The following POLN variants were observed in gnomAD, a reference collection of about 807,000 sequenced individuals.
POLN encodes DNA polymerase nu.
POLN carries 108 observed loss-of-function variants against 113.5 expected under a neutral mutation model. The observed-to-expected ratio is 0.95, with a 90% CI of 0.81 to 1.12. The LOEUF (loss-of-function observed/expected upper bound fraction) is 1.12, where lower values mean the gene tolerates loss of function less well. Among genes scored for constraint, POLN ranks in the 50% most tolerant of loss-of-function variants. The probability of loss-of-function intolerance (pLI) is 0.00; values close to 1 mark genes in which losing one functional copy is unlikely to be tolerated. For synonymous variants in POLN, 386 were observed against 391.5 expected, an observed-to-expected ratio of 0.99 and a Z score of 0.17; for missense variants, 1,097 against 1,077.1, an observed-to-expected ratio of 1.02 and a Z score of -0.26.
chr4:2,175,513 T>C (rs1168237583), intron 9 of POLN, among the ~76,000 whole-genome samples: 1 of 152,246 alleles, frequency 6.6e-6, no homozygotes, highest in African/African-American at 2.4e-5. Flanking sequence ...TGGATTAATT[T>C]GAGGAACATT....
Position 2,157,931 on chromosome 4 carries a change from A to G in POLN, c.1612-20T>C. 1 of 1,584,694 alleles carries G rather than the reference A, an allele frequency of 6.3e-7. No homozygotes were observed. Among genetic ancestry groups the G allele is most frequent in the Non-Finnish European group, 8.6e-7 (1 of 1,156,254 alleles). ...GTGAACCTAAGGTGGAAAGACAAGA[A>G]TAATCATTTTCTTTAAGTCTTAAGT... On this transcript the variant is annotated intron_variant, in intron 14 of 25. Transcript: ENST00000511885.
chr4:2,124,031 G>A (rs1002774895), intron 19 of POLN, among the ~76,000 whole-genome samples: 1 of 152,250 alleles, frequency 6.6e-6, no homozygotes, highest in African/African-American at 2.4e-5. Context: ...ATGAAGTACT[G>A]TTAGCTCCTA....
Position 2,127,386 on chromosome 4 carries a change from T to C in POLN, c.1982+727A>G, listed in dbSNP as rs904231002. Among the ~76,000 whole-genome samples the C allele has an allele frequency of 1.3e-5, 2 of 152,102 alleles. No homozygotes were observed. The highest frequency in any genetic ancestry group is 4.8e-5 in the African/African-American group (2 of 41,406). On this transcript the variant is annotated intron_variant, in intron 19 of 25. Transcript: ENST00000511885. This position sits in a 1 kb window ranked among gnomAD's most constrained non-coding sequence, Gnocchi z 4.7. Reference sequence around the variant, plus strand: ...ACTCCTCCTTTTTTCTGGAGTATAATCTCTCCACCTCCCTTGCAGCTGGTG... The same window carrying C: ...ACTCCTCCTTTTTTCTGGAGTATAACCTCTCCACCTCCCTTGCAGCTGGTG...
intron 24 of POLN, among the ~76,000 whole-genome samples, chr4:2,073,717 CTG>C (rs1730208031): frequency 2.0e-5 from 3 of 152,250 alleles, no homozygotes; most frequent in African/African-American, 7.2e-5. Context: ...TCCTTTTGTG[CTG>C]TGTGACACTG....
intron 6 of POLN, among the ~76,000 whole-genome samples, chr4:2,195,060 A>G (rs1459928586): frequency 6.6e-6 from 1 of 152,160 alleles, no homozygotes; most frequent in Non-Finnish European, 1.5e-5. Flanking sequence ...GAGAGTGTGT[A>G]TGTGAAAGGC....
At chr4:2,104,327 A>G (rs991313925) in intron 19 of POLN, among the ~76,000 whole-genome samples, 1 of 152,194 alleles carries the variant, frequency 6.6e-6, no homozygotes, top group Non-Finnish European at 1.5e-5. Flanking sequence ...CCTTTTTGCT[A>G]TTATGACTAA....
At chr4:2,207,152 A>G (rs2108763492) in intron 5 of POLN, among the ~76,000 whole-genome samples, 2 of 152,352 alleles carry the variant, frequency 1.3e-5, no homozygotes, top group East Asian at 1.9e-4. Flanking sequence ...TCAGGAATGG[A>G]AAACGAAACA....
At chr4:2,081,822 G>A in intron 21 of POLN, 79 bp from the exon 22 acceptor site, 1 of 1,194,078 alleles carries the variant, frequency 8.4e-7, no homozygotes, top group Non-Finnish European at 1.2e-6. Context: ...GCCAGGTCCA[G>A]AGGCCACAGA....
At chr4:2,215,581 G>A (rs1734094719) in intron 3 of POLN, among the ~76,000 whole-genome samples, 1 of 152,194 alleles carries the variant, frequency 6.6e-6, no homozygotes, top group African/African-American at 2.4e-5. Context: ...TCCTGGGGAA[G>A]GGGTGGGCCC....
intron 3 of POLN, among the ~76,000 whole-genome samples, chr4:2,218,315 C>T (rs975210407): frequency 3.4e-4 from 51 of 151,234 alleles, no homozygotes; most frequent in African/African-American, 1.2e-3. Flanking sequence ...CATGGTGGCG[C>T]ATCCCTGTGA....
intron 2 of POLN, among the ~76,000 whole-genome samples, chr4:2,232,446 C>T (rs1356676745): frequency 1.3e-5 from 2 of 152,156 alleles, no homozygotes; most frequent in African/African-American, 4.8e-5. Flanking sequence ...TCAACAAATG[C>T]TATTGTGCCA....
At chr4:2,209,151 CA>C (rs1369255780) in intron 4 of POLN, among the ~76,000 whole-genome samples, 7 of 152,084 alleles carry the variant, frequency 4.6e-5, no homozygotes, top group African/African-American at 1.4e-4. Context: ...ATGAAATCAC[CA>C]AAACTATTTA....
intron 16 of POLN, 61 bp from the exon 17 acceptor site, chr4:2,131,351 G>T: frequency 9.0e-7 from 1 of 1,106,894 alleles, no homozygotes; most frequent in Non-Finnish European, 1.3e-6. Context: ...TACTACTTAG[G>T]GTATTTAATG....
intron 23 of POLN, chr4:2,079,492 G>C (rs1228935295): frequency 2.0e-6 from 2 of 985,590 alleles, no homozygotes. Context: ...ACACGTGTAT[G>C]GGTGCATGTG....
At chr4:2,080,763 C>T (rs1405522636) in intron 23 of POLN, 195 bp downstream of exon 23, 1 of 1,455,170 alleles carries the variant, frequency 6.9e-7, no homozygotes, top group Non-Finnish European at 9.0e-7. Flanking sequence ...GCACCCCACG[C>T]TGGTGGATGG....
chr4:2,203,146 C>T lies in POLN; in HGVS notation c.715-4429G>A, dbSNP rs1733757388. On this transcript the variant is annotated intron_variant, in intron 5 of 25. Coordinates refer to ENST00000511885, the MANE Select transcript of POLN (RefSeq NM_181808.4). Reference sequence around the variant, plus strand: ...TTAAGAAAATTGAACTTATATTAAGCACTCTCTCAGACCACAGTGGAATAA... The same window carrying T: ...TTAAGAAAATTGAACTTATATTAAGTACTCTCTCAGACCACAGTGGAATAA... Among the ~76,000 whole-genome samples, 5 of 152,254 alleles carry T rather than the reference C, an allele frequency of 3.3e-5. No individual in the cohort carries two copies. The South Asian group carries it at 1.0e-3, about 32-fold the overall frequency.
At chr4:2,096,545 C>T (rs951431589) in intron 19 of POLN, among the ~76,000 whole-genome samples, 8 of 152,256 alleles carry the variant, frequency 5.3e-5, no homozygotes, top group African/African-American at 1.7e-4. Context: ...GTCCCTCCTC[C>T]TCCGAGAGCA....
chr4:2,119,325 G>T (rs545897981), intron 19 of POLN, among the ~76,000 whole-genome samples: 67 of 152,350 alleles, frequency 4.4e-4, no homozygotes, highest in Admixed American at 1.4e-3. Context: ...AGCCAAAGAC[G>T]TGATGGTTCC....
intron 15 of POLN, 111 bp downstream of exon 15, chr4:2,157,743 AAAAG>A: frequency 2.0e-5 from 10 of 489,038 alleles, no homozygotes; most frequent in South Asian, 1.2e-4. Flanking sequence ...AAAAAAAAAA[AAAAG>A]AATATTTAGA....
Sources: gnomAD v4.1 joint callset for allele counts (sites outside exome capture counted in the v4.1 genomes callset) on GRCh38, gnomAD v4.1.1 for gene constraint, Gnocchi (gnomAD v3.1) non-coding constraint, MANE v1.5 for transcripts, NCBI Gene and HGNC (gene_info 2026-07-23, HGNC 2026-07-21) for gene names.